THTPA: variants seen among roughly 807,000 people sequenced by gnomAD.
THTPA encodes thiamine-triphosphatase.
In THTPA, 16 loss-of-function variants were observed where a neutral mutation model predicts 16.5. That is an observed-to-expected ratio of 0.97 (90% CI 0.66 to 1.47). The LOEUF is 1.47. Ranked by LOEUF, THTPA falls within the 40% of genes most tolerant of loss-of-function variation. THTPA has a pLI of 0.00. For synonymous variants in THTPA, 110 were observed against 115.5 expected (o/e 0.95, Z 0.30); for missense variants, 281 against 280.9 (o/e 1.00, Z 0.00).
the THTPA span, chr14:23,533,393 T>A: frequency 2.7e-6 from 4 of 1,478,286 alleles, no homozygotes; most frequent in South Asian, 4.0e-5. This position sits in a 1 kb window ranked among gnomAD's most constrained non-coding sequence, Gnocchi z 4.8. Flanking sequence ...GCCAAGGGAG[T>A]CTGAGGCTGC....
At chr14:23,525,317 T>A in the THTPA span, 1 of 1,536,002 alleles carries the variant, frequency 6.5e-7, no homozygotes, top group East Asian at 2.4e-5. The surrounding 1 kb of genome is among the most constrained non-coding windows in gnomAD (Gnocchi z 5.9). Flanking sequence ...AACAGGTGAA[T>A]CCAGAGACCC....
At chr14:23,532,507 T>C in the THTPA span, 1 of 1,411,134 alleles carries the variant, frequency 7.1e-7, no homozygotes, top group African/African-American at 1.4e-5. Flanking sequence ...ATTCTGCATC[T>C]CCTCCCTCTG....
At chr14:23,535,536 C>T in the THTPA span, among the ~76,000 whole-genome samples, 2 of 152,166 alleles carry the variant, frequency 1.3e-5, no homozygotes, top group Admixed American at 6.5e-5. The surrounding 1 kb of genome is among the most constrained non-coding windows in gnomAD (Gnocchi z 4.5). Flanking sequence ...TGCTTCAAAA[C>T]TTAATATGTC....
chr14:23,516,402 C>A, the THTPA span, among the ~76,000 whole-genome samples: 1 of 152,196 alleles, frequency 6.6e-6, no homozygotes, highest in South Asian at 2.1e-4. Context: ...TGGGTGGGAG[C>A]AGTGGGAGGA....
chr14:23,541,717 G>C, the THTPA span, among the ~76,000 whole-genome samples: 1 of 152,320 alleles, frequency 6.6e-6, no homozygotes, highest in East Asian at 1.9e-4. Context: ...GACAGAAGCA[G>C]CTAATAAGTG....
chr14:23,520,314 C>A, the THTPA span, among the ~76,000 whole-genome samples: 2 of 151,162 alleles, frequency 1.3e-5, no homozygotes, highest in Non-Finnish European at 2.9e-5. This position sits in a 1 kb window ranked among gnomAD's most constrained non-coding sequence, Gnocchi z 8.7. Flanking sequence ...CTGGAGGGAG[C>A]AGGAGCAAGG....
At chr14:23,541,287 AT>A in the THTPA span, among the ~76,000 whole-genome samples, 16,721 of 129,942 alleles carry the variant, frequency 0.13, 1,042 homozygotes, top group East Asian at 0.25. Context: ...GATGGACAGG[AT>A]TTTTTTTTTT....
chr14:23,518,819 T>C, the THTPA span, among the ~76,000 whole-genome samples: 2 of 152,230 alleles, frequency 1.3e-5, no homozygotes, highest in Non-Finnish European at 2.9e-5. This position sits in a 1 kb window ranked among gnomAD's most constrained non-coding sequence, Gnocchi z 4.5. Context: ...CATTAGCCTC[T>C]AGGATTCTGC....
the THTPA span, among the ~76,000 whole-genome samples, chr14:23,516,646 G>A: frequency 6.6e-6 from 1 of 152,180 alleles, no homozygotes; most frequent in Non-Finnish European, 1.5e-5. Context: ...TCAAAATTGT[G>A]TAGATTTTGT....
chr14:23,524,490 G>T, the THTPA span: 1 of 1,529,704 alleles, frequency 6.5e-7, no homozygotes. This position sits in a 1 kb window ranked among gnomAD's most constrained non-coding sequence, Gnocchi z 5.6. Context: ...GCTGCCACCA[G>T]GGGGTTTCTC....
chr14:23,515,087 A>G, the THTPA span, among the ~76,000 whole-genome samples: 2 of 152,162 alleles, frequency 1.3e-5, no homozygotes, highest in African/African-American at 2.4e-5. Flanking sequence ...AAGAACAACA[A>G]CAACAACAAC....
chr14:23,559,889 G>A lies in THTPA; in HGVS notation c.*1049G>A, dbSNP rs770663510. The A allele has an allele frequency of 8.1e-6, 13 of 1,611,530 alleles. 1 individual carries two copies. The highest frequency in any genetic ancestry group is 6.7e-5 in the Admixed American group (4 of 59,896). ...AGCAGGGACCAGGGTTAGCACCCACGGCTTCTTCTATCCCTGGGTCTTGTC... is the reference window on the plus strand; with the variant it reads ...AGCAGGGACCAGGGTTAGCACCCACAGCTTCTTCTATCCCTGGGTCTTGTC... On this transcript the variant is annotated 3_prime_UTR_variant, in exon 2 of 2. Coordinates refer to ENST00000288014, the MANE Select transcript of THTPA (RefSeq NM_024328.6).
chr14:23,535,916 A>G, the THTPA span, among the ~76,000 whole-genome samples: 2 of 152,106 alleles, frequency 1.3e-5, no homozygotes, highest in Non-Finnish European at 2.9e-5. This position sits in a 1 kb window ranked among gnomAD's most constrained non-coding sequence, Gnocchi z 4.5. Flanking sequence ...TGTCCCCTGA[A>G]CCTGCTCCTC....
At chr14:23,531,494 C>A in the THTPA span, 45 of 1,424,980 alleles carry the variant, frequency 3.2e-5, no homozygotes, top group South Asian at 5.7e-4. Context: ...GAGTCCGGAG[C>A]TGCCCGTGGC....
chr14:23,541,649 C>T, the THTPA span, among the ~76,000 whole-genome samples: 1 of 152,188 alleles, frequency 6.6e-6, no homozygotes, highest in Non-Finnish European at 1.5e-5. Context: ...ATTGCTGGGT[C>T]TAGAGAGACC....
the THTPA span, chr14:23,526,419 T>C: frequency 8.5e-6 from 13 of 1,536,248 alleles, no homozygotes; most frequent in Non-Finnish European, 1.0e-5. Context: ...TTGGTGGTTT[T>C]CCGATAGGTC....
Position 23,558,743 on chromosome 14 carries a change from A to T in THTPA, c.596A>T (p.Gln199Leu), listed in dbSNP as rs759470089. 10 of 1,614,070 alleles carry T rather than the reference A, an allele frequency of 6.2e-6. No individual in the cohort carries two copies. In the Admixed American group the frequency reaches 1.2e-4, roughly 19 times the overall value. ...CCAGCCAAGCTGATTGTGTATCTACAGCGTTTCCGGCCTCAAGACTATCAG... is the reference window on the plus strand; with the variant it reads ...CCAGCCAAGCTGATTGTGTATCTACTGCGTTTCCGGCCTCAAGACTATCAG... ...TAPAKLIVYL[Q>L]RFRPQDYQRL... is the part of the protein sequence containing the mutation. The change falls in exon 2 of 2, where the codon CAG becomes CTG. Residue 199 changes from glutamine (Q) to leucine (L), a missense_variant. Physicochemically the swap from Gln to Leu is moderately radical, Grantham distance 113 (BLOSUM62 -2). Transcript: ENST00000288014.
At chr14:23,518,183 G>A in the THTPA span, among the ~76,000 whole-genome samples, 2 of 152,178 alleles carry the variant, frequency 1.3e-5, no homozygotes, top group Non-Finnish European at 2.9e-5. This position sits in a 1 kb window ranked among gnomAD's most constrained non-coding sequence, Gnocchi z 4.5. Context: ...TTTCACTGGT[G>A]TAGTTATATA....
At chr14:23,537,441 C>T in the THTPA span, among the ~76,000 whole-genome samples, 1 of 152,138 alleles carries the variant, frequency 6.6e-6, no homozygotes, top group Non-Finnish European at 1.5e-5. Context: ...CCTGGGCTAC[C>T]TCTAACCCTC....
Sources: allele counts gnomAD v4.1 joint callset (sites outside exome capture counted in the v4.1 genomes callset), GRCh38; gene constraint gnomAD v4.1.1; non-coding constraint Gnocchi (gnomAD v3.1); transcripts MANE v1.5; gene names NCBI Gene and HGNC (gene_info 2026-07-23, HGNC 2026-07-21).